The following MAGI2 variants were observed in gnomAD, a reference collection of about 807,000 sequenced individuals.
MAGI2 encodes membrane-associated guanylate kinase, WW and PDZ domain-containing protein 2.
Under a neutral mutation model 133.3 loss-of-function variants are expected in MAGI2, and 35 were observed. The ratio of observed to expected loss-of-function variants is 0.26; its 90% confidence interval spans 0.20 to 0.35. The LOEUF is 0.35. MAGI2 is among the 10% of genes least tolerant of loss of function. MAGI2 has a pLI of 1.00. For synonymous variants in MAGI2, 729 were observed against 710.6 expected, an observed-to-expected ratio of 1.03 and a Z score of -0.41; for missense variants, 1,636 against 1,863.4, an observed-to-expected ratio of 0.88 and a Z score of 2.25.
chr7:78,712,756 G>A (rs13240011), intron 2 of MAGI2, among the ~76,000 whole-genome samples: 7,505 of 152,194 alleles, frequency 0.049, 275 homozygotes, highest in Non-Finnish European at 0.077. Flanking sequence ...AACTTCTACT[G>A]TTATCTGTTT....
At chr7:78,683,628 A>G (rs1263777362) in intron 2 of MAGI2, among the ~76,000 whole-genome samples, 2 of 152,204 alleles carry the variant, frequency 1.3e-5, no homozygotes, top group Admixed American at 1.3e-4. Flanking sequence ...AGACTATTCT[A>G]CAAGTAAAGT....
intron 6 of MAGI2, among the ~76,000 whole-genome samples, chr7:78,457,299 T>C (rs1789422898): frequency 6.6e-6 from 1 of 152,198 alleles, no homozygotes; most frequent in Non-Finnish European, 1.5e-5. Flanking sequence ...GTTGTTTTAT[T>C]CCCTTATCAC....
At position 78,224,931 on chromosome 7, in the gene MAGI2, C is replaced by T. The variant is rs188807649; in HGVS notation, c.2048-23738G>A. On this transcript the variant is annotated intron_variant, in intron 10 of 21. Transcript: ENST00000354212. ...TCTCAGGACCCCAGACTGTCATTCCCAGCAGAGAAATAGGTCCTGAGGTCT... is the reference window on the plus strand; with the variant it reads ...TCTCAGGACCCCAGACTGTCATTCCTAGCAGAGAAATAGGTCCTGAGGTCT... 2.4e-4 allele frequency among the ~76,000 whole-genome samples: 37 copies of T among 152,186 alleles called. 1 individual carries two copies. Among genetic ancestry groups the T allele is most frequent in the Admixed American group, 1.8e-3 (28 of 15,286 alleles).
intron 1 of MAGI2, among the ~76,000 whole-genome samples, chr7:79,100,154 AC>A (rs1366265535): frequency 1.2e-4 from 18 of 152,082 alleles, no homozygotes; most frequent in Admixed American, 1.1e-3. Context: ...TAAAGTTGCT[AC>A]TTTTTTTTAG....
In MAGI2 at chr7:79,106,528, G is replaced by A. The variant is rs376112089; in HGVS notation, c.302-99322C>T. Among the ~76,000 whole-genome samples the A allele has an allele frequency of 8.5e-5, 13 of 152,176 alleles. No individual in the cohort carries two copies. In the East Asian group the frequency reaches 1.9e-3, roughly 23 times the overall value. ...TATGATAAAATATTATTATCACAAC[G>A]AAATCACTCAAAAGTTCAGCTCAGT... On this transcript the variant is annotated intron_variant, in intron 1 of 21. Transcript: ENST00000354212.
chr7:78,456,280 G>A (rs1789312507), intron 6 of MAGI2, among the ~76,000 whole-genome samples: 1 of 152,046 alleles, frequency 6.6e-6, no homozygotes, highest in Non-Finnish European at 1.5e-5. Context: ...TAAACTTTAA[G>A]GCTTTTTATA....
intron 2 of MAGI2, among the ~76,000 whole-genome samples, chr7:78,749,597 G>A (rs767957852): frequency 3.3e-5 from 5 of 152,190 alleles, no homozygotes; most frequent in Admixed American, 6.5e-5. Flanking sequence ...TGAAGCATAA[G>A]GGGAGCGTTG....
intron 1 of MAGI2, among the ~76,000 whole-genome samples, chr7:79,395,111 T>A (rs1160481363): frequency 1.3e-5 from 2 of 152,180 alleles, no homozygotes; most frequent in African/African-American, 4.8e-5. Context: ...CCCAGCTTCT[T>A]TTAATGGGTT....
At chr7:78,891,709 G>C (rs531278701) in intron 2 of MAGI2, among the ~76,000 whole-genome samples, 1 of 152,238 alleles carries the variant, frequency 6.6e-6, no homozygotes, top group Non-Finnish European at 1.5e-5. Flanking sequence ...CAATAAATTA[G>C]GTACTGATGG....
chr7:78,525,767 G>A (rs1208592675), intron 3 of MAGI2, among the ~76,000 whole-genome samples: 1 of 152,176 alleles, frequency 6.6e-6, no homozygotes, highest in Non-Finnish European at 1.5e-5. Context: ...AAGTGGGGAT[G>A]TAAGATGACC....
At chr7:78,531,463 T>C (rs533017151) in intron 3 of MAGI2, among the ~76,000 whole-genome samples, 148 of 152,108 alleles carry the variant, frequency 9.7e-4, no homozygotes, top group Non-Finnish European at 1.9e-3. Flanking sequence ...CTGCCTGCTT[T>C]GGACTCCCAA....
intron 2 of MAGI2, among the ~76,000 whole-genome samples, chr7:78,942,537 CT>C (rs1563689544): frequency 2.0e-5 from 3 of 152,064 alleles, no homozygotes; most frequent in African/African-American, 7.2e-5. Flanking sequence ...TACAAAACTT[CT>C]GTCATTTCGG....
At chr7:78,643,689 A>C (rs1810537788) in intron 2 of MAGI2, among the ~76,000 whole-genome samples, 1 of 152,178 alleles carries the variant, frequency 6.6e-6, no homozygotes, top group Admixed American at 6.6e-5. Context: ...TTAAAGTAAA[A>C]GTAATAACAA....
intron 2 of MAGI2, among the ~76,000 whole-genome samples, chr7:78,964,567 C>T (rs1400868612): frequency 6.6e-6 from 1 of 152,000 alleles, no homozygotes; most frequent in African/African-American, 2.4e-5. Flanking sequence ...GAGATGGAAG[C>T]ACTGGGTTCA....
intron 1 of MAGI2, among the ~76,000 whole-genome samples, chr7:79,295,262 T>C (rs549923957): frequency 1.3e-5 from 2 of 152,278 alleles, no homozygotes; most frequent in Non-Finnish European, 2.9e-5. Flanking sequence ...TATGTCCTCA[T>C]GCCCAAAGAA....
At chr7:78,417,379 G>A (rs1378476571) in intron 6 of MAGI2, among the ~76,000 whole-genome samples, 1 of 151,814 alleles carries the variant, frequency 6.6e-6, no homozygotes, top group Non-Finnish European at 1.5e-5. Context: ...GAGGCCGGGG[G>A]GAAGGAATTC....
chr7:78,418,265 A>G (rs751059266), intron 6 of MAGI2, among the ~76,000 whole-genome samples: 2 of 152,180 alleles, frequency 1.3e-5, no homozygotes, highest in Admixed American at 6.6e-5. Flanking sequence ...TTGCTAAGCA[A>G]TAACCATATG....
At chr7:78,316,858 A>G (rs1429259757) in intron 9 of MAGI2, among the ~76,000 whole-genome samples, 1 of 152,202 alleles carries the variant, frequency 6.6e-6, no homozygotes, top group Non-Finnish European at 1.5e-5. Context: ...TGAGCTGATA[A>G]ACCATGAATC....
At chr7:78,803,590 G>A (rs935721385) in intron 2 of MAGI2, among the ~76,000 whole-genome samples, 4 of 152,022 alleles carry the variant, frequency 2.6e-5, no homozygotes, top group South Asian at 2.1e-4. Context: ...CCTGTTTGGA[G>A]TCTGAACCAA....
Sources: gnomAD v4.1 joint callset for allele counts (sites outside exome capture counted in the v4.1 genomes callset) on GRCh38, gnomAD v4.1.1 for gene constraint, MANE v1.5 for transcripts, NCBI Gene and HGNC (gene_info 2026-07-23, HGNC 2026-07-21) for gene names.